The following TMEM266 variants were observed in gnomAD, a reference collection of about 807,000 sequenced individuals.
The protein encoded by TMEM266 is Hv1 related protein 1.
TMEM266 carries 33 observed loss-of-function variants against 50.5 expected under a neutral mutation model. That is an observed-to-expected ratio of 0.65 (90% confidence interval 0.50 to 0.87). The LOEUF (loss-of-function observed/expected upper bound fraction) is 0.87, where lower values mean the gene tolerates loss of function less well. Ranked by LOEUF, TMEM266 falls within the 40% of genes least tolerant of loss-of-function variation. The pLI is 0.00. For synonymous variants in TMEM266, 310 were observed against 292.3 expected, an observed-to-expected ratio of 1.06 and a Z score of -0.62; for missense variants, 655 against 695.1, an observed-to-expected ratio of 0.94 and a Z score of 0.65.
intron 3 of TMEM266, among the ~76,000 whole-genome samples, chr15:76,152,743 A>G (rs2037863965): frequency 6.6e-6 from 1 of 152,046 alleles, no homozygotes; most frequent in African/African-American, 2.4e-5. Flanking sequence ...ATGTCAACTC[A>G]TCCTTTACCC....
intron 1 of TMEM266, among the ~76,000 whole-genome samples, chr15:76,093,427 T>C (rs994406731): frequency 2.0e-5 from 3 of 151,920 alleles, no homozygotes; most frequent in Non-Finnish European, 2.9e-5. Context: ...CTGAGAATGA[T>C]GGTTTCCAGC....
At chr15:76,180,274 G>T (rs1461965158) in intron 8 of TMEM266, among the ~76,000 whole-genome samples, 1 of 152,048 alleles carries the variant, frequency 6.6e-6, no homozygotes, top group Non-Finnish European at 1.5e-5. Context: ...GCTCCACGTC[G>T]CATTCAGTAG....
intron 5 of TMEM266, among the ~76,000 whole-genome samples, chr15:76,169,284 G>T (rs1024768396): frequency 3.9e-5 from 6 of 152,136 alleles, no homozygotes; most frequent in African/African-American, 1.4e-4. Context: ...CTTTAGTTGG[G>T]TGGCCATGCT....
chr15:76,099,401 T>G (rs2036966348), intron 1 of TMEM266, among the ~76,000 whole-genome samples: 2 of 152,238 alleles, frequency 1.3e-5, no homozygotes, highest in African/African-American at 2.4e-5. Context: ...TTCTGTGGGT[T>G]GCACCCACTG....
chr15:76,098,754 GC>G (rs1238095591), intron 1 of TMEM266, among the ~76,000 whole-genome samples: 3 of 152,250 alleles, frequency 2.0e-5, no homozygotes, highest in Middle Eastern at 3.4e-3. Flanking sequence ...TGGGGCTGCT[GC>G]CTTTTTTTCA....
chr15:76,116,212 G>A (rs950327604), intron 1 of TMEM266, among the ~76,000 whole-genome samples: 5 of 152,100 alleles, frequency 3.3e-5, no homozygotes, highest in Non-Finnish European at 2.9e-5. Context: ...ACTTATGCAC[G>A]TCTCCAAGCT....
intron 4 of TMEM266, among the ~76,000 whole-genome samples, chr15:76,158,028 A>AAATT (rs10666398): frequency 4.0e-5 from 6 of 151,808 alleles, no homozygotes; most frequent in African/African-American, 1.5e-4. Flanking sequence ...ATAAATAAAT[A>AAATT]GAGGTACAAT....
At chr15:76,086,409 A>G (rs1422662033) in intron 1 of TMEM266, among the ~76,000 whole-genome samples, 4 of 152,240 alleles carry the variant, frequency 2.6e-5, no homozygotes, top group African/African-American at 9.6e-5. Flanking sequence ...TTCTGGGGTG[A>G]TGGAAATGTT....
intron 6 of TMEM266, 106 bp from the exon 7 acceptor site, chr15:76,170,887 C>T: frequency 7.1e-7 from 1 of 1,409,338 alleles, no homozygotes; most frequent in Admixed American, 2.4e-5. Flanking sequence ...TGGTGGGGGC[C>T]CGGGCTGCTG....
chr15:76,067,650 G>C (rs5025927), intron 1 of TMEM266, among the ~76,000 whole-genome samples: 1 of 8,932 alleles, frequency 1.1e-4, no homozygotes, highest in African/African-American at 2.5e-4. Flanking sequence ...AAAAAAAAAA[G>C]AAAAGAAAAG....
intron 1 of TMEM266, among the ~76,000 whole-genome samples, chr15:76,063,743 GA>G (rs2036354881): frequency 6.6e-6 from 1 of 152,170 alleles, no homozygotes; most frequent in African/African-American, 2.4e-5. Flanking sequence ...CTGGTACTGT[GA>G]AAAAAGAATC....
intron 5 of TMEM266, among the ~76,000 whole-genome samples, chr15:76,164,976 G>T (rs2038072460): frequency 1.3e-5 from 2 of 152,270 alleles, no homozygotes; most frequent in South Asian, 4.1e-4. Flanking sequence ...TAGACTAACA[G>T]CTACTTCTGC....
intron 1 of TMEM266, among the ~76,000 whole-genome samples, chr15:76,106,184 A>AGGTACCT (rs1345458557): frequency 1.3e-5 from 2 of 152,086 alleles, no homozygotes; most frequent in East Asian, 3.9e-4. Flanking sequence ...AGTACTCATC[A>AGGTACCT]GGTACCTGCC....
At chr15:76,198,985 A>G (rs1490553558) in intron 9 of TMEM266, among the ~76,000 whole-genome samples, 1 of 90,576 alleles carries the variant, frequency 1.1e-5, no homozygotes, top group Non-Finnish European at 2.6e-5. Context: ...ATGGCCACCT[A>G]GGGACCTCGG....
chr15:76,149,869 T>C (rs2037811706), intron 3 of TMEM266, among the ~76,000 whole-genome samples: 2 of 152,380 alleles, frequency 1.3e-5, no homozygotes, highest in South Asian at 4.1e-4. Context: ...AAAGTCCATG[T>C]CAATGACAGA....
intron 1 of TMEM266, among the ~76,000 whole-genome samples, chr15:76,061,851 C>T (rs1469258411): frequency 1.3e-5 from 2 of 152,210 alleles, no homozygotes; most frequent in Non-Finnish European, 2.9e-5. Flanking sequence ...ATCTTCTGGT[C>T]TCACTGCCAG....
At chr15:76,061,187 A>T (rs1464589186) in intron 1 of TMEM266, among the ~76,000 whole-genome samples, 1 of 152,242 alleles carries the variant, frequency 6.6e-6, no homozygotes, top group Non-Finnish European at 1.5e-5. Context: ...TTATCACAAG[A>T]TGTTGGGATA....
intron 1 of TMEM266, among the ~76,000 whole-genome samples, chr15:76,126,551 A>T (rs1266111834): frequency 3.4e-5 from 5 of 145,956 alleles, no homozygotes; most frequent in African/African-American, 5.1e-5. Context: ...TTTTTTTTTT[A>T]GACGGAGTCT....
intron 5 of TMEM266, among the ~76,000 whole-genome samples, chr15:76,162,979 CG>C (rs1384585541): frequency 6.6e-6 from 1 of 152,220 alleles, no homozygotes; most frequent in African/African-American, 2.4e-5. Flanking sequence ...GTCACCCCAC[CG>C]GGGCTCCTGC....
Sources: gnomAD v4.1 joint callset for allele counts (sites outside exome capture counted in the v4.1 genomes callset) on GRCh38, gnomAD v4.1.1 for gene constraint, MANE v1.5 for transcripts, NCBI Gene and HGNC (gene_info 2026-07-23, HGNC 2026-07-21) for gene names.